SARS1: variants seen among roughly 807,000 people sequenced by gnomAD.
SARS1 encodes the protein seryl-tRNA synthetase 1.
Under a neutral mutation model 63.7 loss-of-function variants are expected in SARS1, and 25 were observed. The ratio of observed to expected loss-of-function variants is 0.39; its 90% CI spans 0.29 to 0.55. SARS1 has a LOEUF of 0.55. Ranked by LOEUF, SARS1 falls within the 20% of genes least tolerant of loss-of-function variation. The probability of loss-of-function intolerance (pLI) is 0.62; values close to 1 mark genes in which losing one functional copy is unlikely to be tolerated. For missense variants in SARS1, 417 were observed against 649.7 expected (o/e 0.64, Z 3.89); for synonymous variants, 231 against 243.5 (o/e 0.95, Z 0.48).
intron 2 of SARS1, among the ~76,000 whole-genome samples, chr1:109,226,329 T>G (rs1055299476): frequency 2.0e-5 from 3 of 150,328 alleles, no homozygotes; most frequent in Admixed American, 1.3e-4. Context: ...TGCTTTACAT[T>G]TAGGAGATTT....
At chr1:109,218,193 C>CAAA (rs35069915) in intron 1 of SARS1, among the ~76,000 whole-genome samples, 3 of 39,760 alleles carry the variant, frequency 7.5e-5, no homozygotes, top group African/African-American at 3.0e-4. Flanking sequence ...ACTCTGTCTC[C>CAAA]AAAAAAAAAA....
At chr1:109,228,490 C>G in intron 3 of SARS1, 58 bp downstream of exon 3, 1 of 1,236,502 alleles carries the variant, frequency 8.1e-7, no homozygotes, top group Non-Finnish European at 1.2e-6. Flanking sequence ...AATTTTATTC[C>G]TAGACAGCAA....
chr1:109,230,269 G>GT (rs1335875096), intron 4 of SARS1, among the ~76,000 whole-genome samples: 1 of 151,682 alleles, frequency 6.6e-6, no homozygotes. Flanking sequence ...ATTTAAAAGG[G>GT]TAAAAAAAAG....
chr1:109,231,083 A>G, intron 5 of SARS1, 62 bp downstream of exon 5: 1 of 680,214 alleles, frequency 1.5e-6, no homozygotes. Context: ...ATATATATAT[A>G]TTTTTTTTTT....
rs1412278011 is a variant in SARS1 at position 109,235,412 on chromosome 1, G to A, written c.950G>A (p.Arg317Gln). Reference protein sequence around the residue: ...SHGRDTRGIFRVHQFEKIEQF... With the variant: ...SHGRDTRGIFQVHQFEKIEQF... The stretch of plus-strand genomic sequence containing the variant: ...GGCCGTGACACCCGTGGCATCTTCC[G>A]AGTCCATCAGTTTGAGAAGGTGAGT... Residue 317 changes from arginine (R) to glutamine (Q), a missense_variant, in exon 7 of 11, where the codon CGA (arginine) becomes CAA (glutamine). This residue lies in a region of SARS1 where 359 missense variants were observed against 529.6 expected (regional missense o/e 0.68). Coordinates refer to ENST00000234677, the MANE Select transcript of SARS1 (RefSeq NM_006513.4). The surrounding 1 kb of genome is among the most constrained non-coding windows in gnomAD (Gnocchi z 4.7). 6.2e-7 allele frequency: 1 copy of A among 1,612,996 alleles called. No individual in the cohort carries two copies. Among genetic ancestry groups the A allele is most frequent in the Non-Finnish European group, 8.5e-7 (1 of 1,179,972 alleles).
In SARS1 at chr1:109,237,364, A is replaced by C; in HGVS notation, c.1378A>C (p.Met460Leu). 1 of 1,614,254 alleles carries C rather than the reference A, an allele frequency of 6.2e-7. No homozygotes were observed. Among genetic ancestry groups the C allele is most frequent in the African/African-American group, 1.3e-5 (1 of 75,078 alleles). ...TGTGCCTGAGAAATTGAAGGAGTTC[A>C]TGCCGCCAGGTAAAACTCCCAGCTC... ...ITVPEKLKEFMPPGLQELIPF... is the reference protein window; with the variant it reads ...ITVPEKLKEFLPPGLQELIPF... The change falls in exon 10 of 11, where the codon ATG becomes CTG. Residue 460 changes from methionine to leucine, a missense_variant. Coordinates refer to ENST00000234677, the MANE Select transcript of SARS1 (RefSeq NM_006513.4). The surrounding 1 kb of genome is among the most constrained non-coding windows in gnomAD (Gnocchi z 4.1).
rs757203360 is a variant in SARS1, at chr1:109,237,995, C to A, written c.*107C>A. 32 of 1,266,888 alleles carry A rather than the reference C, an allele frequency of 2.5e-5. 1 individual carries two copies. The Admixed American group carries it at 4.3e-4, about 17-fold the overall frequency. The allele number at this position is 1,266,888 out of a possible 1,614,324, so 78.5% of individuals were successfully genotyped here. On this transcript the variant is annotated 3_prime_UTR_variant, in exon 11 of 11. Transcript: ENST00000234677. The surrounding 1 kb of genome is among the most constrained non-coding windows in gnomAD (Gnocchi z 4.1). Reference sequence around the variant, plus strand: ...CACCCATTCATCCCCCTGCCCCCATCTGACTGCGTAGCTGAGAGGGGAACA... The same window carrying A: ...CACCCATTCATCCCCCTGCCCCCATATGACTGCGTAGCTGAGAGGGGAACA...
At chr1:109,218,091 G>T (rs1654833341) in intron 1 of SARS1, among the ~76,000 whole-genome samples, 1 of 151,522 alleles carries the variant, frequency 6.6e-6, no homozygotes, top group Non-Finnish European at 1.5e-5. Flanking sequence ...TACTCGGGTG[G>T]CTGAGGCAGG....
intron 1 of SARS1, among the ~76,000 whole-genome samples, chr1:109,223,758 T>G (rs1375055245): frequency 6.6e-6 from 1 of 152,182 alleles, no homozygotes; most frequent in African/African-American, 2.4e-5. Context: ...GAGCCGAGAT[T>G]GCACCATTAC....
intron 1 of SARS1, chr1:109,215,728 C>T (rs758451272): frequency 3.5e-5 from 30 of 865,502 alleles, no homozygotes; most frequent in African/African-American, 7.3e-5. Context: ...GTTTTTGAGA[C>T]GGAGTCTCTC....
chr1:109,217,881 A>G (rs1037477708), intron 1 of SARS1, among the ~76,000 whole-genome samples: 2 of 152,102 alleles, frequency 1.3e-5, no homozygotes, highest in African/African-American at 4.8e-5. Flanking sequence ...TTTTCAACAC[A>G]TAATCAGTAT....
intron 4 of SARS1, among the ~76,000 whole-genome samples, chr1:109,230,107 G>T (rs936455686): frequency 6.6e-6 from 1 of 151,920 alleles, no homozygotes; most frequent in East Asian, 1.9e-4. Flanking sequence ...CACAGACCAC[G>T]AGACGACTCT....
intron 1 of SARS1, among the ~76,000 whole-genome samples, chr1:109,217,922 TGA>T (rs1350233452): frequency 1.3e-5 from 2 of 152,076 alleles, no homozygotes; most frequent in Non-Finnish European, 2.9e-5. Context: ...CCCGGTGCGG[TGA>T]CTCACTCCTG....
At chr1:109,215,552 G>A in intron 1 of SARS1, 1 of 985,302 alleles carries the variant, frequency 1.0e-6, no homozygotes, top group Non-Finnish European at 1.2e-6. Context: ...ACTGTACCTG[G>A]TCCTTGGTAA....
At chr1:109,217,090 G>C (rs1054666495) in intron 1 of SARS1, 1 of 985,254 alleles carries the variant, frequency 1.0e-6, no homozygotes, top group Admixed American at 6.2e-5. Flanking sequence ...TTACTTGAAG[G>C]CTTAAGTTTT....
rs12081406 is a variant in SARS1 at position 109,235,769 on chromosome 1, T to C, written c.970-208T>C. ...TGAGGATTATCCCAGTCACTATATGTAAAGCACTCAGAACAGGGGCTGGCA... is the reference window on the plus strand; with the variant it reads ...TGAGGATTATCCCAGTCACTATATGCAAAGCACTCAGAACAGGGGCTGGCA... On this transcript the variant is annotated intron_variant, in intron 7 of 10. Transcript: ENST00000234677. This position sits in a 1 kb window ranked among gnomAD's most constrained non-coding sequence, Gnocchi z 4.7. 0.027 allele frequency among the ~76,000 whole-genome samples: 4,080 copies of C among 152,254 alleles called. 169 individuals are homozygous for C. The highest frequency in any genetic ancestry group is 0.092 in the African/African-American group (3,825 of 41,526).
At position 109,237,736 on chromosome 1, in the gene SARS1, C is replaced by T; in HGVS notation, c.1393C>T (p.Gln465Ter). The change falls in exon 11 of 11, where the codon CAA becomes TAA. Residue 465 changes from glutamine to a stop codon, truncating the protein, a stop_gained. Transcript: ENST00000234677. LOFTEE classifies it high-confidence loss of function. This position sits in a 1 kb window ranked among gnomAD's most constrained non-coding sequence, Gnocchi z 4.1. ...KLKEFMPPGLQELIPFVKPAP... is the reference protein window; with the variant it reads ...KLKEFMPPGL ...GGTTGGCTCTTCCCTCCCAGGACTG[C>T]AAGAACTGATCCCCTTTGTGAAGCC... The T allele has an allele frequency of 1.2e-6, 2 of 1,614,112 alleles. No individual in the cohort carries two copies. The highest frequency in any genetic ancestry group is 8.5e-7 in the Non-Finnish European group (1 of 1,179,996).
intron 5 of SARS1, 98 bp downstream of exon 5, chr1:109,231,119 T>A: frequency 1.3e-6 from 1 of 742,882 alleles, no homozygotes; most frequent in Non-Finnish European, 1.8e-6. Flanking sequence ...ATAATCTGTT[T>A]AAAGAGGCCC....
chr1:109,225,626 G>A (rs1655047371), intron 2 of SARS1, among the ~76,000 whole-genome samples: 1 of 152,198 alleles, frequency 6.6e-6, no homozygotes, highest in Admixed American at 6.5e-5. Flanking sequence ...TTAATTTGTA[G>A]AGCACTCGAA....
Sources: gnomAD v4.1 joint callset for allele counts (sites outside exome capture counted in the v4.1 genomes callset) on GRCh38, gnomAD v4.1.1 for gene constraint, gnomAD v4.1.1 regional missense constraint, Gnocchi (gnomAD v3.1) non-coding constraint, MANE v1.5 for transcripts, NCBI Gene and HGNC (gene_info 2026-07-23, HGNC 2026-07-21) for gene names.